BLK: variants seen among roughly 807,000 people sequenced by gnomAD.
BLK encodes tyrosine-protein kinase Blk.
Under a neutral mutation model 61.8 loss-of-function variants are expected in BLK, and 64 were observed. That is an observed-to-expected ratio of 1.03 (90% CI 0.85 to 1.27). The LOEUF (loss-of-function observed/expected upper bound fraction) is 1.27. Ranked by LOEUF, BLK falls within the 50% of genes most tolerant of loss-of-function variation. The pLI, the probability that BLK is intolerant of heterozygous loss-of-function variation, is 0.00. For synonymous variants in BLK, 351 were observed against 272.0 expected (o/e 1.29, Z -2.86); for missense variants, 853 against 660.5 (o/e 1.29, Z -3.19).
chr8:11,522,898 A>T (rs1025735709), intron 1 of BLK, among the ~76,000 whole-genome samples: 13 of 152,232 alleles, frequency 8.5e-5, no homozygotes, highest in Non-Finnish European at 1.6e-4. Context: ...CTCCATGATC[A>T]TTATTAATTT....
At chr8:11,531,686 G>A (rs921464450) in intron 1 of BLK, among the ~76,000 whole-genome samples, 2 of 152,026 alleles carry the variant, frequency 1.3e-5, no homozygotes, top group African/African-American at 2.4e-5. Flanking sequence ...GCCCAGTTAC[G>A]TGTCTTCTGA....
intron 1 of BLK, among the ~76,000 whole-genome samples, chr8:11,495,988 A>C (rs1798346952): frequency 6.6e-6 from 1 of 152,256 alleles, no homozygotes; most frequent in South Asian, 2.1e-4. Flanking sequence ...ATTCTTCCTC[A>C]GAGCAGGAGT....
intron 1 of BLK, among the ~76,000 whole-genome samples, chr8:11,497,161 C>A (rs1201374653): frequency 6.6e-6 from 1 of 152,118 alleles, no homozygotes; most frequent in Non-Finnish European, 1.5e-5. Flanking sequence ...GAAGACAGCA[C>A]GTAGATGGAA....
intron 1 of BLK, among the ~76,000 whole-genome samples, chr8:11,511,468 A>G (rs1799006607): frequency 2.6e-5 from 4 of 152,338 alleles, no homozygotes; most frequent in Middle Eastern, 3.4e-3. Context: ...TCTGTTAACA[A>G]CAAACTCTGG....
intron 1 of BLK, among the ~76,000 whole-genome samples, chr8:11,500,535 A>T (rs1798517188): frequency 6.7e-6 from 1 of 149,816 alleles, no homozygotes; most frequent in African/African-American, 2.5e-5. Context: ...TGTTTGTTTG[A>T]GATAGGGTCT....
chr8:11,545,782 T>G (rs537053022), intron 2 of BLK: 8 of 512,754 alleles, frequency 1.6e-5, no homozygotes, highest in East Asian at 3.2e-5. Flanking sequence ...GTGGTTGGGC[T>G]TTCCCTCATT....
intron 10 of BLK, chr8:11,560,399 ATGGATGGATG>A (rs1801454109): frequency 4.5e-6 from 1 of 221,922 alleles, no homozygotes; most frequent in African/African-American, 2.3e-5. Context: ...GGATGCATGG[ATGGATGGATG>A]CATGGATAGA....
intron 1 of BLK, among the ~76,000 whole-genome samples, chr8:11,540,795 G>C (rs115288303): frequency 0.022 from 3,311 of 151,214 alleles, 72 homozygotes; most frequent in African/African-American, 0.053. Context: ...CTTCACAACT[G>C]AGTTCTATTT....
At chr8:11,556,195 G>A (rs1223512155) in intron 8 of BLK, 2 of 267,620 alleles carry the variant, frequency 7.5e-6, no homozygotes, top group East Asian at 9.1e-5. Context: ...CAGGGAGAGT[G>A]TGGAGATACA....
At chr8:11,522,713 C>A (rs1262411169) in intron 1 of BLK, among the ~76,000 whole-genome samples, 2 of 143,580 alleles carry the variant, frequency 1.4e-5, no homozygotes, top group African/African-American at 2.6e-5. Context: ...TGTATTACAA[C>A]AAACAAATCT....
At chr8:11,561,227 C>T (rs1309398670) in intron 10 of BLK, 75 bp from the exon 11 acceptor site, 10 of 1,556,652 alleles carry the variant, frequency 6.4e-6, no homozygotes, top group South Asian at 1.2e-5. Flanking sequence ...AGGGGCTGTG[C>T]GGGGGACACA....
intron 1 of BLK, among the ~76,000 whole-genome samples, chr8:11,522,215 G>A (rs1049810045): frequency 6.6e-6 from 1 of 151,990 alleles, no homozygotes; most frequent in South Asian, 2.1e-4. Context: ...TTTTCTAAAT[G>A]GTCAAAATAT....
chr8:11,535,150 T>A (rs7844858), intron 1 of BLK, among the ~76,000 whole-genome samples: 61,689 of 149,358 alleles, frequency 0.41, 13,511 homozygotes, highest in East Asian at 0.74. Flanking sequence ...TGCACTCCAG[T>A]CTGGGTGACA....
chr8:11,504,780 G>A (rs1317363849), intron 1 of BLK, among the ~76,000 whole-genome samples: 2 of 152,236 alleles, frequency 1.3e-5, no homozygotes, highest in African/African-American at 4.8e-5. Flanking sequence ...CATATTTAGT[G>A]TTGGGCACCC....
At position 11,535,790 on chromosome 8, in the gene BLK, A is replaced by G. The variant is rs533748979; in HGVS notation, c.-1-7434A>G. ...AGATCACCTCCTCGACAGCATCTCT[A>G]CCAAGAGGGGCTGAGCTTGAATCTA... On this transcript the variant is annotated intron_variant, in intron 1 of 12. Coordinates refer to ENST00000259089, the MANE Select transcript of BLK (RefSeq NM_001715.3). Among the ~76,000 whole-genome samples the G allele has an allele frequency of 2.6e-5, 4 of 152,314 alleles. No individual in the cohort carries two copies. In the South Asian group the frequency reaches 8.3e-4, roughly 32 times the overall value.
chr8:11,559,673 C>T, intron 10 of BLK: 4 of 448,024 alleles, frequency 8.9e-6, no homozygotes, highest in South Asian at 4.7e-5. Flanking sequence ...AGGAACCCTG[C>T]AATCACAATC....
At chr8:11,510,452 C>G (rs1798953127) in intron 1 of BLK, among the ~76,000 whole-genome samples, 1 of 152,090 alleles carries the variant, frequency 6.6e-6, no homozygotes, top group South Asian at 2.1e-4. Flanking sequence ...AATCAGAAGT[C>G]CATGAATGAT....
At chr8:11,522,459 T>C (rs998161020) in intron 1 of BLK, among the ~76,000 whole-genome samples, 1 of 152,186 alleles carries the variant, frequency 6.6e-6, no homozygotes, top group Admixed American at 6.5e-5. Flanking sequence ...TGGGAACCCA[T>C]AGTGCCACTG....
At chr8:11,516,364 G>C (rs2736361) in intron 1 of BLK, among the ~76,000 whole-genome samples, 2 of 152,116 alleles carry the variant, frequency 1.3e-5, no homozygotes, top group African/African-American at 2.4e-5. Context: ...CCCGAGTCCT[G>C]CACTTGGTGG....
Sources: allele counts gnomAD v4.1 joint callset (sites outside exome capture counted in the v4.1 genomes callset), GRCh38; gene constraint gnomAD v4.1.1; transcripts MANE v1.5; gene names NCBI Gene and HGNC (gene_info 2026-07-23, HGNC 2026-07-21).